ATRNL1: variants seen among roughly 807,000 people sequenced by gnomAD.
ATRNL1 encodes attractin-like protein 1.
A neutral mutation model predicts 182.7 loss-of-function variants in ATRNL1; 95 were observed. That is an observed-to-expected ratio of 0.52 (90% CI 0.44 to 0.62). ATRNL1 has a LOEUF of 0.62. Among genes scored for constraint, ATRNL1 ranks in the 20% least tolerant of loss-of-function variants. ATRNL1 has a pLI of 0.00. For missense variants in ATRNL1, 1,471 were observed against 1,679.5 expected, an observed-to-expected ratio of 0.88 and a Z score of 2.17; for synonymous variants, 576 against 568.3, an observed-to-expected ratio of 1.01 and a Z score of -0.19.
chr10:115,573,522 C>T (rs144749437), intron 26 of ATRNL1, among the ~76,000 whole-genome samples: 1 of 151,978 alleles, frequency 6.6e-6, no homozygotes, highest in Non-Finnish European at 1.5e-5. Flanking sequence ...AACAGAAATA[C>T]CTGTTCTCAT....
At chr10:115,621,254 AATATAT>A (rs781830067) in intron 26 of ATRNL1, among the ~76,000 whole-genome samples, 2,426 of 71,292 alleles carry the variant, frequency 0.034, 72 homozygotes, top group South Asian at 0.044. Flanking sequence ...TTGAGCTCTG[AATATAT>A]ATATATATAT....
intron 21 of ATRNL1, among the ~76,000 whole-genome samples, chr10:115,447,315 A>G (rs1267270022): frequency 6.6e-5 from 10 of 151,826 alleles, no homozygotes; most frequent in Admixed American, 6.6e-4. Flanking sequence ...CATCACAGAT[A>G]GAGTTGATTT....
chr10:115,402,086 T>C (rs1844592942), intron 20 of ATRNL1, among the ~76,000 whole-genome samples: 1 of 152,136 alleles, frequency 6.6e-6, no homozygotes, highest in African/African-American at 2.4e-5. Context: ...CTTAAATGAA[T>C]ATCTCTTGGT....
chr10:115,184,673 G>C (rs1847875012), intron 8 of ATRNL1, among the ~76,000 whole-genome samples: 1 of 151,598 alleles, frequency 6.6e-6, no homozygotes, highest in Non-Finnish European at 1.5e-5. Flanking sequence ...TCTTGACTTA[G>C]AAACATTGAT....
intron 15 of ATRNL1, among the ~76,000 whole-genome samples, chr10:115,289,693 C>A (rs1207438280): frequency 6.6e-6 from 1 of 152,130 alleles, no homozygotes; most frequent in Admixed American, 6.5e-5. Flanking sequence ...CAGCTGGCTG[C>A]AGCTATGTGA....
chr10:115,185,489 G>T (rs1847905129), intron 8 of ATRNL1, among the ~76,000 whole-genome samples: 1 of 151,962 alleles, frequency 6.6e-6, no homozygotes, highest in South Asian at 2.1e-4. Flanking sequence ...ATTTAAGAAA[G>T]AAATACATTA....
chr10:115,769,726 A>G (rs977880576), intron 27 of ATRNL1, among the ~76,000 whole-genome samples: 1 of 152,190 alleles, frequency 6.6e-6, no homozygotes, highest in African/African-American at 2.4e-5. Context: ...TTTCCTTGAC[A>G]ATAAGCTAAA....
intron 27 of ATRNL1, among the ~76,000 whole-genome samples, chr10:115,746,997 A>G (rs1453716169): frequency 2.6e-5 from 4 of 152,124 alleles, no homozygotes; most frequent in African/African-American, 9.7e-5. Context: ...TCTTCACAAG[A>G]CATTCCATAG....
At chr10:115,252,993 T>C (rs1850946354) in intron 10 of ATRNL1, among the ~76,000 whole-genome samples, 1 of 152,240 alleles carries the variant, frequency 6.6e-6, no homozygotes, top group Non-Finnish European at 1.5e-5. Context: ...GATGAGTTTT[T>C]CATTGCTAGC....
At position 115,862,832 on chromosome 10, in the gene ATRNL1, T is replaced by C. The variant is rs1162657654; in HGVS notation, c.4018+14841T>C. Among the ~76,000 whole-genome samples the C allele has an allele frequency of 2.0e-5, 3 of 152,314 alleles. No homozygotes were observed. The East Asian group carries it at 5.8e-4, about 29-fold the overall frequency. On this transcript the variant is annotated intron_variant, in intron 28 of 28. Transcript: ENST00000355044. ...TACATAGGGAAGCAGTAAAATGAAT[T>C]TGGTACATGCATAAATGGAATACAC...
chr10:115,172,980 A>G (rs1847353334), intron 8 of ATRNL1, among the ~76,000 whole-genome samples: 1 of 151,756 alleles, frequency 6.6e-6, no homozygotes, highest in Non-Finnish European at 1.5e-5. Flanking sequence ...TGACTATTTC[A>G]TACCTTTTCC....
chr10:115,203,630 A>C (rs1554893041), intron 8 of ATRNL1, among the ~76,000 whole-genome samples: 2 of 140,666 alleles, frequency 1.4e-5, no homozygotes, highest in Admixed American at 7.5e-5. Flanking sequence ...CCCAGGCTAG[A>C]GTGTAGTGGC....
At chr10:115,546,974 C>G (rs1554993899) in intron 25 of ATRNL1, among the ~76,000 whole-genome samples, 2 of 152,068 alleles carry the variant, frequency 1.3e-5, no homozygotes, top group African/African-American at 4.8e-5. Flanking sequence ...AGAATATTGG[C>G]CAGGTGTGGT....
chr10:115,251,389 T>C (rs1349976801), intron 10 of ATRNL1, among the ~76,000 whole-genome samples: 2 of 152,190 alleles, frequency 1.3e-5, no homozygotes, highest in African/African-American at 2.4e-5. Context: ...TAAGCCTGTT[T>C]ATTCCAATTC....
chr10:115,241,844 A>G, intron 10 of ATRNL1, 119 bp downstream of exon 10: 1 of 802,248 alleles, frequency 1.2e-6, no homozygotes, highest in Non-Finnish European at 1.9e-6. Flanking sequence ...GTGATAGAAT[A>G]TGAATGGAAT....
intron 1 of ATRNL1, among the ~76,000 whole-genome samples, chr10:115,113,751 C>T (rs1375813598): frequency 6.6e-6 from 1 of 152,116 alleles, no homozygotes; most frequent in Non-Finnish European, 1.5e-5. Flanking sequence ...TCAGGTATGT[C>T]TTTATCAGCA....
chr10:115,407,678 T>A (rs1341564310), intron 20 of ATRNL1, among the ~76,000 whole-genome samples: 1 of 152,232 alleles, frequency 6.6e-6, no homozygotes, highest in African/African-American at 2.4e-5. Flanking sequence ...CAAATAGCAT[T>A]GCAATAAATA....
rs1853498482 is a variant in ATRNL1 at position 115,302,061 on chromosome 10, G to C, written c.2818+18G>C. 6.3e-7 allele frequency: 1 copy of C among 1,578,794 alleles called. No homozygotes were observed. Among genetic ancestry groups the C allele is most frequent in the African/African-American group, 1.4e-5 (1 of 73,826 alleles). On this transcript the variant is annotated intron_variant, in intron 17 of 28. Transcript: ENST00000355044. Reference sequence around the variant, plus strand: ...CTGCTCCCGTAAGTATTTATCTAGAGTGACTTTTCACTTGACAGCAACGTA... The same window carrying C: ...CTGCTCCCGTAAGTATTTATCTAGACTGACTTTTCACTTGACAGCAACGTA...
intron 26 of ATRNL1, among the ~76,000 whole-genome samples, chr10:115,579,377 C>A (rs1409761985): frequency 6.6e-6 from 1 of 151,664 alleles, no homozygotes; most frequent in Non-Finnish European, 1.5e-5. Flanking sequence ...ATCTAAGATG[C>A]ATATATATGT....
Sources: allele counts gnomAD v4.1 joint callset (sites outside exome capture counted in the v4.1 genomes callset), GRCh38; gene constraint gnomAD v4.1.1; transcripts MANE v1.5; gene names NCBI Gene and HGNC (gene_info 2026-07-23, HGNC 2026-07-21).